Variants in C10orf105 observed in about 807,000 individuals in gnomAD.
C10orf105 encodes the protein chromosome 10 open reading frame 105.
In C10orf105, 2 loss-of-function variants were observed where a neutral mutation model predicts 0.6. The observed-to-expected ratio is 3.18, with a 90% CI of 1.30 to 10.01. The LOEUF (loss-of-function observed/expected upper bound fraction) is 10.01, where lower values mean the gene tolerates loss of function less well. Among genes scored for constraint, C10orf105 ranks in the 30% most tolerant of loss-of-function variants. The pLI is 0.04. For synonymous variants in C10orf105, 95 were observed against 82.4 expected (o/e 1.15, Z -0.83); for missense variants, 209 against 191.4 (o/e 1.09, Z -0.54).
chr10:71,718,928 A>T (rs1189909885), intron 1 of C10orf105, among the ~76,000 whole-genome samples: 3 of 152,000 alleles, frequency 2.0e-5, no homozygotes, highest in African/African-American at 7.3e-5. Context: ...AGGTTTTTTA[A>T]TTAGCCAGGT....
chr10:71,724,825 A>T (rs974224868), intron 1 of C10orf105, among the ~76,000 whole-genome samples: 10 of 152,236 alleles, frequency 6.6e-5, no homozygotes, highest in African/African-American at 1.7e-4. Context: ...AATCAGGGGT[A>T]AAGTCACTGC....
At chr10:71,731,863 CA>C in intron 1 of C10orf105, 1 of 944,084 alleles carries the variant, frequency 1.1e-6, no homozygotes, top group East Asian at 2.6e-5. Context: ...ATCCTGCCGG[CA>C]GAGGTGGGGC....
Position 71,719,611 on chromosome 10 carries a change from TC to T in C10orf105, c.-6+15del. 6.5e-6 allele frequency: 1 copy of T among 153,232 alleles called. No individual in the cohort carries two copies. The highest frequency in any genetic ancestry group is 1.5e-5 in the Non-Finnish European group (1 of 68,850). The allele number at this position is 153,232 out of a possible 1,614,324, so 9.5% of individuals were successfully genotyped here. A position where few individuals can be genotyped will look rare whatever the true frequency, so the allele number is the denominator to read the frequency against. ...TCCCTCTCCAAGCCTTCTCCTGCAG[TC>T]CCCCAAGCACTGACCTCAGAGCCAG... On this transcript the variant is annotated intron_variant, in intron 1 of 1. Coordinates refer to ENST00000441508, the MANE Select transcript of C10orf105 (RefSeq NM_001164375.3).
intron 1 of C10orf105, among the ~76,000 whole-genome samples, chr10:71,727,642 C>T (rs750669049): frequency 2.7e-4 from 41 of 152,136 alleles, no homozygotes; most frequent in Non-Finnish European, 4.1e-4. Flanking sequence ...GACTGGGTGT[C>T]TCAGGGTGTT....
chr10:71,737,696 C>T (rs1314102473), intron 1 of C10orf105: 2 of 470,314 alleles, frequency 4.3e-6, no homozygotes, highest in Non-Finnish European at 8.8e-6. Context: ...CTCCAACCCC[C>T]CTCACACCCT....
chr10:71,713,094 A>T lies in C10orf105; in HGVS notation c.*2842T>A. 1 of 764,764 alleles carries T rather than the reference A, an allele frequency of 1.3e-6. No individual in the cohort carries two copies. Among genetic ancestry groups the T allele is most frequent in the East Asian group, 2.5e-5 (1 of 40,428 alleles). 47.4% of individuals were successfully genotyped at this position (764,764 alleles called of 1,614,324 possible). A position where few individuals can be genotyped will look rare whatever the true frequency, so the allele number is the denominator to read the frequency against. ...CTGCATATCTCCCGCCCCACCCAGA[A>T]GGGCCTTTCAGAGTAGCGGGGAGAA... On this transcript the variant is annotated 3_prime_UTR_variant, in exon 2 of 2. Transcript: ENST00000441508.
chr10:71,718,223 G>A (rs975778498), intron 1 of C10orf105, among the ~76,000 whole-genome samples: 1 of 152,202 alleles, frequency 6.6e-6, no homozygotes, highest in Non-Finnish European at 1.5e-5. Flanking sequence ...AGGTAGTGGG[G>A]AGGGGAGTGG....
rs763379895 is a variant in C10orf105, at chr10:71,725,464, G to T, written c.-5-9122C>A. ...GGACCGGGAGCGGAACTCATCCCAC[G>T]TGCTGATAGTGGAGGCCTACAACCA... is the stretch of plus-strand genomic sequence containing the variant. On this transcript the variant is annotated intron_variant, in intron 1 of 1. Transcript: ENST00000398786. The T allele has an allele frequency of 6.2e-7, 1 of 1,613,998 alleles. No individual in the cohort carries two copies. Among genetic ancestry groups the T allele is most frequent in the East Asian group, 2.2e-5 (1 of 44,888 alleles).
intron 1 of C10orf105, among the ~76,000 whole-genome samples, chr10:71,734,062 A>G (rs941090752): frequency 3.3e-5 from 5 of 152,242 alleles, no homozygotes; most frequent in African/African-American, 1.2e-4. Context: ...GGAAGGCTTC[A>G]TGGAAGAGGT....
chr10:71,716,340 C>A lies in C10orf105; in HGVS notation c.-3G>T. The A allele has an allele frequency of 6.8e-7, 1 of 1,467,666 alleles. No individual in the cohort carries two copies. The highest frequency in any genetic ancestry group is 9.0e-7 in the Non-Finnish European group (1 of 1,104,982). The allele number at this position is 1,467,666 out of a possible 1,614,324, so 90.9% of individuals were successfully genotyped here. A position where few individuals can be genotyped will look rare whatever the true frequency, so the allele number is the denominator to read the frequency against. On this transcript the variant is annotated splice_region_variant and 5_prime_UTR_variant, in exon 2 of 2. Transcript: ENST00000441508. ...AGGCTGGGGCCCTCTGTGCTCATGG[C>A]TCCTGCAACAGCAACAAGACAGAAG...
intron 1 of C10orf105, among the ~76,000 whole-genome samples, chr10:71,729,331 C>T (rs746377411): frequency 9.9e-5 from 15 of 152,152 alleles, no homozygotes; most frequent in Non-Finnish European, 1.9e-4. Context: ...AAGAAGCGCC[C>T]ACAGGAAAAG....
In C10orf105 at chr10:71,732,108, CATG is replaced by C. The variant is rs796051860; in HGVS notation, c.-6+5617_-6+5619del. On this transcript the variant is annotated intron_variant, in intron 1 of 1. Transcript: ENST00000398786. ...TGGACTACGAGACCAAGACCAGCTACATGATGAATGTGTCGGCCACTGACCAGG... is the reference window on the plus strand; with the variant it reads ...TGGACTACGAGACCAAGACCAGCTACATGAATGTGTCGGCCACTGACCAGG... The C allele has an allele frequency of 1.9e-6, 3 of 1,613,936 alleles. No individual in the cohort carries two copies. The highest frequency in any genetic ancestry group is 1.7e-6 in the Non-Finnish European group (2 of 1,179,898).
At chr10:71,725,363 T>G (rs375278975) in intron 1 of C10orf105, 1 of 1,613,910 alleles carries the variant, frequency 6.2e-7, no homozygotes, top group Non-Finnish European at 8.5e-7. Flanking sequence ...GGTCTGTCCC[T>G]CCACACAGGT....
chr10:71,732,075 G>A (rs759358975), intron 1 of C10orf105: 2 of 1,614,018 alleles, frequency 1.2e-6, no homozygotes, highest in South Asian at 1.1e-5. Flanking sequence ...TCATCACCGT[G>A]AATTACCTGG....
rs1159714079 is a variant in C10orf105, at chr10:71,715,157, C to A, written c.*779G>T. ...CCTCCTCCGAGTCCAGGTGGCATCA[C>A]CTCCAGCTGCTGGAAATGCCCTGCC... On this transcript the variant is annotated 3_prime_UTR_variant, in exon 2 of 2. Transcript: ENST00000441508. 1 of 152,428 alleles carries A rather than the reference C, an allele frequency of 6.6e-6. No homozygotes were observed. The highest frequency in any genetic ancestry group is 1.5e-5 in the Non-Finnish European group (1 of 68,212). The allele number at this position is 152,428 out of a possible 1,614,324, so 9.4% of individuals were successfully genotyped here. A position where few individuals can be genotyped will look rare whatever the true frequency, so the allele number is the denominator to read the frequency against.
intron 1 of C10orf105, chr10:71,730,536 T>C (rs1839338138): frequency 1.9e-6 from 3 of 1,613,980 alleles, no homozygotes; most frequent in Non-Finnish European, 2.5e-6. Context: ...TACAGCCGTC[T>C]GGGGCTTCGA....
chr10:71,733,576 G>A (rs1839462223), intron 1 of C10orf105, among the ~76,000 whole-genome samples: 2 of 152,112 alleles, frequency 1.3e-5, no homozygotes, highest in South Asian at 4.1e-4. Flanking sequence ...TTTGTGCCAG[G>A]AACCAGGGAC....
chr10:71,720,476 C>T (rs920635274), upstream of C10orf105, among the ~76,000 whole-genome samples: 1 of 151,988 alleles, frequency 6.6e-6, no homozygotes, highest in Non-Finnish European at 1.5e-5. Flanking sequence ...TTCTTTCTCC[C>T]CAGAAGCCAG....
At chr10:71,719,985 A>G (rs753214679), upstream of C10orf105, among the ~76,000 whole-genome samples, 1 of 152,054 alleles carries the variant, frequency 6.6e-6, no homozygotes, top group Admixed American at 6.5e-5. Context: ...GGGGTGGAAG[A>G]CTCTGGGGAG....
Sources: allele counts gnomAD v4.1 joint callset (sites outside exome capture counted in the v4.1 genomes callset), GRCh38; gene constraint gnomAD v4.1.1; transcripts MANE v1.5; gene names NCBI Gene and HGNC (gene_info 2026-07-23, HGNC 2026-07-21).